MCF2L2: variants seen among roughly 807,000 people sequenced by gnomAD.
MCF2L2 encodes the protein MCF.2 cell line derived transforming sequence-like 2, also known as probable guanine nucleotide exchange factor MCF2L2.
Under a neutral mutation model 150.2 loss-of-function variants are expected in MCF2L2, and 102 were observed. The observed-to-expected ratio is 0.68, with a 90% CI of 0.58 to 0.80. The LOEUF is 0.80. Among genes scored for constraint, MCF2L2 ranks in the 30% least tolerant of loss-of-function variants. The probability of loss-of-function intolerance (pLI) is 0.00; values close to 1 mark genes in which losing one functional copy is unlikely to be tolerated. For missense variants in MCF2L2, 1,256 were observed against 1,372.8 expected (o/e 0.91, Z 1.34); for synonymous variants, 465 against 491.3 (o/e 0.95, Z 0.71).
chr3:183,186,028 A>C (rs1468200070), intron 27 of MCF2L2, among the ~76,000 whole-genome samples: 1 of 152,062 alleles, frequency 6.6e-6, no homozygotes, highest in Non-Finnish European at 1.5e-5. Flanking sequence ...TGTAGGTCAA[A>C]GAAACTTTAT....
chr3:183,281,446 GATGGTTTGT>G (rs1335588645), intron 14 of MCF2L2, among the ~76,000 whole-genome samples: 3 of 147,850 alleles, frequency 2.0e-5, no homozygotes, highest in Non-Finnish European at 4.4e-5. Context: ...CACATTCACA[GATGGTTTGT>G]CTGCCCTATT....
chr3:183,391,985 TCAAG>T (rs1714182145), intron 1 of MCF2L2, among the ~76,000 whole-genome samples: 1 of 152,146 alleles, frequency 6.6e-6, no homozygotes, highest in African/African-American at 2.4e-5. Context: ...ACTCCTGTGC[TCAAG>T]CAGTCCTCCT....
At chr3:183,332,461 A>G (rs1730311387) in intron 5 of MCF2L2, among the ~76,000 whole-genome samples, 1 of 152,214 alleles carries the variant, frequency 6.6e-6, no homozygotes, top group Non-Finnish European at 1.5e-5. Flanking sequence ...GTAGATGTTC[A>G]GTCCCTCCTA....
In MCF2L2 at chr3:183,227,869, G is replaced by T. The variant is rs187886236; in HGVS notation, c.2115+428C>A. 3 of 160,964 alleles carry T rather than the reference G, an allele frequency of 1.9e-5. No homozygotes were observed. The highest frequency in any genetic ancestry group is 3.6e-4 in the South Asian group (2 of 5,618). The allele number at this position is 160,964 out of a possible 1,614,324, so 10.0% of individuals were successfully genotyped here. On this transcript the variant is annotated intron_variant, in intron 18 of 29. Coordinates refer to ENST00000328913, the MANE Select transcript of MCF2L2 (RefSeq NM_015078.4). This position sits in a 1 kb window ranked among gnomAD's most constrained non-coding sequence, Gnocchi z 4.0. ...AGTACAGTATTATTCCATGATAGTC[G>T]CCATGCTGTGCGTTACATCTCCAGG...
rs574844111 is a variant in MCF2L2, at chr3:183,370,213, C to G, written c.275+9084G>C. 2.6e-5 allele frequency among the ~76,000 whole-genome samples: 4 copies of G among 152,226 alleles called. No individual in the cohort carries two copies. In the South Asian group the frequency reaches 8.3e-4, roughly 31 times the overall value. On this transcript the variant is annotated intron_variant, in intron 3 of 29. Transcript: ENST00000328913. Reference sequence around the variant, plus strand: ...CTTGTCTTCCCATTTGTCGAGCTTTCCTGTGATGGATCCCCACCCCTCATG... The same window carrying G: ...CTTGTCTTCCCATTTGTCGAGCTTTGCTGTGATGGATCCCCACCCCTCATG...
intron 22 of MCF2L2, among the ~76,000 whole-genome samples, chr3:183,210,988 G>A (rs6787284): frequency 0.54 from 81,593 of 151,960 alleles, 22,458 homozygotes; most frequent in East Asian, 0.7. Flanking sequence ...GGAGGAAGTG[G>A]TGACCAGCAG....
chr3:183,294,143 T>C (rs1728323960), intron 13 of MCF2L2, among the ~76,000 whole-genome samples: 1 of 152,114 alleles, frequency 6.6e-6, no homozygotes, highest in Non-Finnish European at 1.5e-5. Flanking sequence ...CGTTGGAACA[T>C]CGCATGACTT....
intron 3 of MCF2L2, among the ~76,000 whole-genome samples, chr3:183,355,364 A>C (rs776886360): frequency 1.6e-4 from 25 of 151,948 alleles, no homozygotes; most frequent in Non-Finnish European, 2.9e-4. Flanking sequence ...AGGCAACTCC[A>C]ACACAGTCTT....
chr3:183,207,779 G>C lies in MCF2L2; in HGVS notation c.2541C>G (p.Phe847Leu). Residue 847 changes from phenylalanine (F) to leucine (L), a missense_variant, in exon 23 of 30, where the codon TTC (phenylalanine) becomes TTG (leucine). By Grantham distance (22) the Phe-to-Leu change is conservative. Coordinates refer to ENST00000328913, the MANE Select transcript of MCF2L2 (RefSeq NM_015078.4). ...GATCCTTGTGAATTGTCCAGACGCT[G>C]AAAGGGCCGTGCAGCAACAGCTTGC... ...KLGKLLLHGP[F>L]SVWTIHKDRY... The C allele has an allele frequency of 1.2e-6, 2 of 1,614,224 alleles. No homozygotes were observed. The highest frequency in any genetic ancestry group is 1.7e-6 in the Non-Finnish European group (2 of 1,180,026).
chr3:183,289,976 T>C (rs1256785816), intron 13 of MCF2L2, among the ~76,000 whole-genome samples: 1 of 152,268 alleles, frequency 6.6e-6, no homozygotes. Context: ...TACAGCATAA[T>C]GTTGCACTTG....
At chr3:183,323,794 CA>C (rs77727862) in intron 5 of MCF2L2, among the ~76,000 whole-genome samples, 437 of 127,546 alleles carry the variant, frequency 3.4e-3, no homozygotes, top group Middle Eastern at 4.1e-3. Context: ...AAGACCACAT[CA>C]AAAAAAAAAA....
intron 3 of MCF2L2, among the ~76,000 whole-genome samples, chr3:183,362,992 A>G (rs1347579759): frequency 6.6e-6 from 1 of 152,240 alleles, no homozygotes; most frequent in East Asian, 1.9e-4. Flanking sequence ...CAAAAGACCT[A>G]AACAGCACCT....
chr3:183,251,140 G>A (rs886603853), intron 15 of MCF2L2, among the ~76,000 whole-genome samples: 1 of 152,196 alleles, frequency 6.6e-6, no homozygotes, highest in South Asian at 2.1e-4. Context: ...TACATGGCCC[G>A]TGATGTGTTT....
intron 3 of MCF2L2, among the ~76,000 whole-genome samples, chr3:183,343,996 C>T (rs1004265597): frequency 1.8e-4 from 27 of 152,010 alleles, no homozygotes; most frequent in African/African-American, 6.3e-4. Context: ...CAACAAGATA[C>T]TATCTCTACT....
intron 22 of MCF2L2, among the ~76,000 whole-genome samples, chr3:183,212,980 T>C (rs1343818217): frequency 6.7e-6 from 1 of 148,336 alleles, no homozygotes; most frequent in Non-Finnish European, 1.5e-5. Flanking sequence ...GGGTGGGGAA[T>C]GAAGAAGATA....
chr3:183,330,261 A>AAAG (rs989330740), intron 5 of MCF2L2, among the ~76,000 whole-genome samples: 23 of 151,116 alleles, frequency 1.5e-4, no homozygotes, highest in African/African-American at 5.1e-4. Context: ...AAAAAAAAAA[A>AAAG]AAGAAGAAGA....
In MCF2L2 at chr3:183,300,946, C is replaced by T. The variant is rs1240383157; in HGVS notation, c.1114-750G>A. 2.2e-5 allele frequency among the ~76,000 whole-genome samples: 3 copies of T among 134,494 alleles called. No homozygotes were observed. The East Asian group carries it at 6.9e-4, about 31-fold the overall frequency. 88.2% of individuals were successfully genotyped at this position (134,494 alleles called of 152,430 possible). A position where few individuals can be genotyped will look rare whatever the true frequency, so the allele number is the denominator to read the frequency against. ...AGGAGAATCGCTTGAACCCGGGAGG[C>T]GGAGATTGCAGTGAATTGAGATTGC... On this transcript the variant is annotated intron_variant, in intron 10 of 29. Transcript: ENST00000328913.
At chr3:183,402,451 C>CAAAAAAGAAAA (rs1714813490) in intron 1 of MCF2L2, among the ~76,000 whole-genome samples, 1 of 54,762 alleles carries the variant, frequency 1.8e-5, no homozygotes, top group Non-Finnish European at 4.3e-5. Context: ...GAGACTCCAT[C>CAAAAAAGAAAA]AAAAAAAAAA....
At position 183,228,283 on chromosome 3, in the gene MCF2L2, G is replaced by A. The variant is rs908308138; in HGVS notation, c.2115+14C>T. 2.5e-6 allele frequency: 4 copies of A among 1,600,224 alleles called. No homozygotes were observed. The African/African-American group carries it at 4.0e-5, about 16-fold the overall frequency. On this transcript the variant is annotated intron_variant, in intron 18 of 29. Coordinates refer to ENST00000328913, the MANE Select transcript of MCF2L2 (RefSeq NM_015078.4). ...TGACTTTAACATGATTATTTACTGG[G>A]AGTACAGACTTACTCTCTTGAGAAA...
Sources: gnomAD v4.1 joint callset for allele counts (sites outside exome capture counted in the v4.1 genomes callset) on GRCh38, gnomAD v4.1.1 for gene constraint, Gnocchi (gnomAD v3.1) non-coding constraint, MANE v1.5 for transcripts, NCBI Gene and HGNC (gene_info 2026-07-23, HGNC 2026-07-21) for gene names.